The following BABAM2 variants were observed in gnomAD, a reference collection of about 807,000 sequenced individuals.
BABAM2 encodes BRISC and BRCA1 A complex member 2.
A neutral mutation model predicts 54.7 loss-of-function variants in BABAM2; 31 were observed. The observed-to-expected ratio is 0.57, with a 90% CI of 0.43 to 0.77. The LOEUF is 0.77. Ranked by LOEUF, BABAM2 falls within the 30% of genes least tolerant of loss-of-function variation. The pLI, the probability that BABAM2 is intolerant of heterozygous loss-of-function variation, is 0.00. For synonymous variants in BABAM2, 167 were observed against 162.9 expected (o/e 1.03, Z -0.19); for missense variants, 364 against 455.8 (o/e 0.80, Z 1.83).
intron 3 of BABAM2, among the ~76,000 whole-genome samples, chr2:27,949,579 G>T (rs895214155): frequency 3.3e-5 from 5 of 151,774 alleles, no homozygotes; most frequent in African/African-American, 1.2e-4. Flanking sequence ...AGGGCATCCA[G>T]TGAATTCACT....
chr2:28,237,309 C>A lies in BABAM2; in HGVS notation c.780+8C>A. ...CACCTGCTCACCAACAAGGTAAAAG[C>A]AAGTCCCCAACTCATCCCTCTTATG... is the stretch of plus-strand genomic sequence containing the variant. On this transcript the variant is annotated splice_region_variant and intron_variant, in intron 8 of 11. Transcript: ENST00000379624. 1 of 1,603,468 alleles carries A rather than the reference C, an allele frequency of 6.2e-7. No individual in the cohort carries two copies. Among genetic ancestry groups the A allele is most frequent in the East Asian group, 2.2e-5 (1 of 44,830 alleles).
chr2:28,026,989 A>AT (rs1558668326), intron 5 of BABAM2, among the ~76,000 whole-genome samples: 1 of 110,040 alleles, frequency 9.1e-6, no homozygotes, highest in Non-Finnish European at 1.7e-5. Context: ...AATATATATA[A>AT]AAATATATAA....
intron 6 of BABAM2, among the ~76,000 whole-genome samples, chr2:28,089,313 A>C (rs1573555378): frequency 6.6e-6 from 1 of 151,982 alleles, no homozygotes; most frequent in East Asian, 1.9e-4. Flanking sequence ...ATTGCAATTC[A>C]AAAGTGAAAA....
At chr2:28,313,198 G>A (rs986414640) in intron 11 of BABAM2, among the ~76,000 whole-genome samples, 1 of 152,024 alleles carries the variant, frequency 6.6e-6, no homozygotes, top group African/African-American at 2.4e-5. Context: ...TAACCCTGCT[G>A]AGAGTCTAAA....
chr2:27,908,460 A>T (rs1222450383), intron 2 of BABAM2, among the ~76,000 whole-genome samples: 1 of 152,004 alleles, frequency 6.6e-6, no homozygotes, highest in African/African-American at 2.4e-5. Context: ...TTTTTTCGAA[A>T]TGGGGTTGCG....
intron 7 of BABAM2, among the ~76,000 whole-genome samples, chr2:28,228,336 G>A (rs1003746144): frequency 1.3e-5 from 2 of 152,134 alleles, no homozygotes; most frequent in African/African-American, 2.4e-5. Context: ...CTTTTTTCTT[G>A]TTCTCTACAT....
At chr2:28,148,414 G>A (rs945669516) in intron 7 of BABAM2, among the ~76,000 whole-genome samples, 3 of 152,186 alleles carry the variant, frequency 2.0e-5, no homozygotes, top group Non-Finnish European at 4.4e-5. Flanking sequence ...ACTCTGGAAC[G>A]TGTTTTGCCA....
chr2:28,153,479 C>A (rs568554876), intron 7 of BABAM2, among the ~76,000 whole-genome samples: 2 of 152,320 alleles, frequency 1.3e-5, no homozygotes, highest in Admixed American at 6.5e-5. Flanking sequence ...CAAATCTTAG[C>A]CTCTTAAGTT....
intron 6 of BABAM2, among the ~76,000 whole-genome samples, chr2:28,123,426 T>C (rs1458917014): frequency 6.6e-6 from 1 of 152,208 alleles, no homozygotes; most frequent in Non-Finnish European, 1.5e-5. Context: ...TTTAGCCTTT[T>C]GCAGTTTCAA....
intron 11 of BABAM2, chr2:28,308,216 A>G (rs1688732596): frequency 3.1e-6 from 1 of 325,802 alleles, no homozygotes; most frequent in Admixed American, 3.3e-5. Flanking sequence ...GCCAAAGCGA[A>G]TGCTTTGAAG....
At chr2:28,176,672 A>G (rs1162020615) in intron 7 of BABAM2, among the ~76,000 whole-genome samples, 1 of 150,566 alleles carries the variant, frequency 6.6e-6, no homozygotes. Context: ...TGAATGTGAA[A>G]TTTACCAAAG....
intron 7 of BABAM2, among the ~76,000 whole-genome samples, chr2:28,203,675 A>G (rs1172911167): frequency 6.6e-6 from 1 of 152,186 alleles, no homozygotes; most frequent in Non-Finnish European, 1.5e-5. Context: ...CATAGGTGAT[A>G]TACTAAGGTT....
At chr2:28,312,642 G>A (rs555847889) in intron 11 of BABAM2, among the ~76,000 whole-genome samples, 49 of 152,142 alleles carry the variant, frequency 3.2e-4, no homozygotes, top group Non-Finnish European at 7.2e-4. Flanking sequence ...CCACTGTCCT[G>A]CAAAATCCAC....
At chr2:28,310,135 T>A (rs1286715367) in intron 11 of BABAM2, 3 of 1,614,026 alleles carry the variant, frequency 1.9e-6, no homozygotes, top group East Asian at 2.2e-5. Flanking sequence ...CATCCAGGCA[T>A]CCTCTCCAAA....
chr2:28,072,637 A>G (rs1365577873), intron 6 of BABAM2, among the ~76,000 whole-genome samples: 3 of 152,066 alleles, frequency 2.0e-5, no homozygotes, highest in East Asian at 1.9e-4. Context: ...CGCCCGCCTC[A>G]GCCTCCCAAA....
rs146744707 is a variant in BABAM2, at chr2:27,982,844, TACACACAC to T, written c.206-5117_206-5110del. ...AGGCTGAATAATATTTCATTATGTG[TACACACAC>T]ACACACACACACACACACACACACA... is the stretch of plus-strand genomic sequence containing the variant. On this transcript the variant is annotated intron_variant, in intron 3 of 11. Coordinates refer to ENST00000379624, the MANE Select transcript of BABAM2 (RefSeq NM_199191.3). Among the ~76,000 whole-genome samples, 799 of 127,218 alleles carry T rather than the reference TACACACAC, an allele frequency of 6.3e-3. 7 individuals carry two copies. The highest frequency in any genetic ancestry group is 0.024 in the African/African-American group (720 of 30,018). 83.5% of individuals were successfully genotyped at this position (127,218 alleles called of 152,430 possible).
At chr2:27,919,647 AT>A (rs1222489363) in intron 2 of BABAM2, among the ~76,000 whole-genome samples, 2 of 152,210 alleles carry the variant, frequency 1.3e-5, no homozygotes, top group African/African-American at 4.8e-5. Context: ...TTAAATGCAC[AT>A]ATTAGAAAAG....
intron 10 of BABAM2, among the ~76,000 whole-genome samples, chr2:28,295,636 C>G (rs1687622437): frequency 6.6e-6 from 1 of 152,056 alleles, no homozygotes; most frequent in Non-Finnish European, 1.5e-5. Flanking sequence ...GCTGGGATTA[C>G]AGGTACGCAC....
At chr2:27,941,551 G>A (rs1207767117) in intron 3 of BABAM2, among the ~76,000 whole-genome samples, 5 of 149,852 alleles carry the variant, frequency 3.3e-5, no homozygotes, top group African/African-American at 9.8e-5. Context: ...GCAAGACTCC[G>A]TCTCAAAAAA....
Sources: allele counts gnomAD v4.1 joint callset (sites outside exome capture counted in the v4.1 genomes callset), GRCh38; gene constraint gnomAD v4.1.1; transcripts MANE v1.5; gene names NCBI Gene and HGNC (gene_info 2026-07-23, HGNC 2026-07-21).